Variants in HYAL4 observed in about 807,000 individuals in gnomAD.
The protein encoded by HYAL4 is hyaluronidase-4.
Under a neutral mutation model 35.2 loss-of-function variants are expected in HYAL4, and 37 were observed. That is an observed-to-expected ratio of 1.05 (90% CI 0.81 to 1.38). HYAL4 has a LOEUF of 1.38. HYAL4 is among the 40% of genes most tolerant of loss of function. The probability of loss-of-function intolerance (pLI) is 0.00; values close to 1 mark genes in which losing one functional copy is unlikely to be tolerated. For synonymous variants in HYAL4, 198 were observed against 203.2 expected, an observed-to-expected ratio of 0.97 and a Z score of 0.22; for missense variants, 572 against 572.4, an observed-to-expected ratio of 1.00 and a Z score of 0.01.
At chr7:123,840,518 T>G (rs1337606561), upstream of HYAL4, among the ~76,000 whole-genome samples, 34 of 151,866 alleles carry the variant, frequency 2.2e-4, no homozygotes, top group Non-Finnish European at 4.1e-4. Context: ...TTCCAATTCT[T>G]TGAAGAAAGT....
the HYAL4 span, among the ~76,000 whole-genome samples, chr7:123,791,285 T>A: frequency 6.6e-6 from 1 of 152,222 alleles, no homozygotes; most frequent in African/African-American, 2.4e-5. Context: ...ATGGGCATGT[T>A]GTTCAACTTT....
chr7:123,828,447 CACACACACACACACA>C (rs1562990192), upstream of HYAL4, among the ~76,000 whole-genome samples: 1 of 150,932 alleles, frequency 6.6e-6, no homozygotes, highest in Non-Finnish European at 1.5e-5. Context: ...CACACACACA[CACACACACACACACA>C]CCTCTAAAAA....
At chr7:123,772,646 C>T in the HYAL4 span, among the ~76,000 whole-genome samples, 2 of 152,190 alleles carry the variant, frequency 1.3e-5, no homozygotes, top group Non-Finnish European at 2.9e-5. Flanking sequence ...AGGGACAAAG[C>T]AGCAATCCAA....
At chr7:123,841,311 C>G (rs1806054981), upstream of HYAL4, among the ~76,000 whole-genome samples, 1 of 151,992 alleles carries the variant, frequency 6.6e-6, no homozygotes, top group Non-Finnish European at 1.5e-5. Flanking sequence ...GTATGTTGAA[C>G]AAGCCTTGCG....
the HYAL4 span, among the ~76,000 whole-genome samples, chr7:123,767,730 A>T: frequency 1.3e-5 from 2 of 152,148 alleles, no homozygotes; most frequent in African/African-American, 4.8e-5. Flanking sequence ...TGAATCATGC[A>T]CCTATAAGAG....
At chr7:123,790,421 C>T in the HYAL4 span, among the ~76,000 whole-genome samples, 1 of 152,084 alleles carries the variant, frequency 6.6e-6, no homozygotes, top group African/African-American at 2.4e-5. Flanking sequence ...AGAGTTAGAA[C>T]TGATGTCTTC....
Position 123,872,957 on chromosome 7 carries a change from A to G in HYAL4, c.955-1804A>G, listed in dbSNP as rs559004006. 5.9e-5 allele frequency among the ~76,000 whole-genome samples: 9 copies of G among 152,356 alleles called. No individual in the cohort carries two copies. The East Asian group carries it at 1.5e-3, about 26-fold the overall frequency. ...CCAATAATCTATAAATATAAAATGT[A>G]AATGTTATGTCCTTATTCTCCTTTG... On this transcript the variant is annotated intron_variant, in intron 3 of 4. Coordinates refer to ENST00000223026, the MANE Select transcript of HYAL4 (RefSeq NM_012269.3).
At chr7:123,766,599 A>C in the HYAL4 span, among the ~76,000 whole-genome samples, 1 of 152,196 alleles carries the variant, frequency 6.6e-6, no homozygotes, top group Non-Finnish European at 1.5e-5. Context: ...AAGAAAAAAC[A>C]TTAAAAATTT....
chr7:123,838,664 A>G (rs1806006785), intron 1 of HYAL4, among the ~76,000 whole-genome samples: 3 of 152,022 alleles, frequency 2.0e-5, no homozygotes, highest in Non-Finnish European at 4.4e-5. Flanking sequence ...TGAGCTTGTT[A>G]TATTTGGATG....
At chr7:123,828,893 T>C (rs1805839898), upstream of HYAL4, 1 of 152,658 alleles carries the variant, frequency 6.6e-6, no homozygotes, top group Non-Finnish European at 1.5e-5. Context: ...TAGGCATTAA[T>C]ACTGCCTGGA....
At chr7:123,807,432 G>GTTTGTTTTTTTTTTT in the HYAL4 span, among the ~76,000 whole-genome samples, 32 of 120,756 alleles carry the variant, frequency 2.6e-4, no homozygotes, top group Non-Finnish European at 4.9e-4. Context: ...ACTTTTTATG[G>GTTTGTTTTTTTTTTT]TTTTTTTTTT....
At chr7:123,860,975 TGAG>T (rs1806564374) in intron 2 of HYAL4, among the ~76,000 whole-genome samples, 1 of 152,192 alleles carries the variant, frequency 6.6e-6, no homozygotes, top group South Asian at 2.1e-4. Context: ...CATTCAGGAC[TGAG>T]GCAAAATTTG....
At chr7:123,829,201 G>A (rs984508908) in intron 1 of HYAL4, 2 of 152,510 alleles carry the variant, frequency 1.3e-5, no homozygotes, top group African/African-American at 4.8e-5. Flanking sequence ...TAACAGACAT[G>A]AAGAATGGAT....
chr7:123,778,492 T>C, the HYAL4 span, among the ~76,000 whole-genome samples: 2 of 152,090 alleles, frequency 1.3e-5, no homozygotes, highest in East Asian at 3.9e-4. Context: ...TTTCCTCTTT[T>C]ATCTTTCATG....
the HYAL4 span, among the ~76,000 whole-genome samples, chr7:123,812,001 G>A: frequency 1.4e-4 from 22 of 151,844 alleles, no homozygotes; most frequent in African/African-American, 5.1e-4. Context: ...ACCACCACAC[G>A]TGGCTAATTT....
In HYAL4 at chr7:123,876,870, C is replaced by T. The variant is rs150954859; in HGVS notation, c.1161C>T (p.Cys387=). The T allele has an allele frequency of 1.2e-3, 1,955 of 1,614,152 alleles. 6 individuals carry two copies. Among genetic ancestry groups the T allele is most frequent in the Non-Finnish European group, 1.5e-3 (1,771 of 1,180,028 alleles). Residue 387 remains cysteine, a synonymous_variant, in exon 5 of 5, where the codon TGC becomes TGT. Transcript: ENST00000223026. Reference sequence around the variant, plus strand: ...ACCTCTGCAGGAACAATGGCAGGTGCATAAGGAAGATGTGGAACGCGCCCA... The same window carrying T: ...ACCTCTGCAGGAACAATGGCAGGTGTATAAGGAAGATGTGGAACGCGCCCA... ...SLHLCRNNGR[C]IRKMWNAPSY...
intron 2 of HYAL4, among the ~76,000 whole-genome samples, chr7:123,853,177 A>G (rs1159587242): frequency 6.6e-6 from 1 of 152,162 alleles, no homozygotes; most frequent in Non-Finnish European, 1.5e-5. Context: ...GTCACCTGCA[A>G]ACAGAGACAA....
At chr7:123,860,397 G>A (rs1806551919) in intron 2 of HYAL4, among the ~76,000 whole-genome samples, 1 of 152,114 alleles carries the variant, frequency 6.6e-6, no homozygotes, top group Admixed American at 6.6e-5. Flanking sequence ...GTATGTGTAT[G>A]TGTGTGTGTA....
chr7:123,855,410 C>CGG (rs1806414140), intron 2 of HYAL4, among the ~76,000 whole-genome samples: 1 of 152,026 alleles, frequency 6.6e-6, no homozygotes, highest in Admixed American at 6.6e-5. Flanking sequence ...GTAACAAAAT[C>CGG]CCTCAGCGTT....
Sources: gnomAD v4.1 joint callset for allele counts (sites outside exome capture counted in the v4.1 genomes callset) on GRCh38, gnomAD v4.1.1 for gene constraint, MANE v1.5 for transcripts, NCBI Gene and HGNC (gene_info 2026-07-23, HGNC 2026-07-21) for gene names.